The following EEF1AKMT4 variants were observed in gnomAD, a reference collection of about 807,000 sequenced individuals.
EEF1AKMT4 encodes the protein eukaryotic translation elongation factor 1 alpha lysine specific methyltransferase 4.
In EEF1AKMT4, 17 loss-of-function variants were observed where a neutral mutation model predicts 23.0. The observed-to-expected ratio is 0.74, with a 90% CI of 0.51 to 1.11. EEF1AKMT4 has a LOEUF of 1.11. EEF1AKMT4 is among the 50% of genes least tolerant of loss of function. EEF1AKMT4 has a pLI of 0.00. For synonymous variants in EEF1AKMT4, 140 were observed against 141.4 expected, an observed-to-expected ratio of 0.99 and a Z score of 0.07; for missense variants, 318 against 333.4, an observed-to-expected ratio of 0.95 and a Z score of 0.36.
chr3:184,253,782 G>T (rs1043355335), intron 1 of EEF1AKMT4, among the ~76,000 whole-genome samples: 14 of 150,856 alleles, frequency 9.3e-5, no homozygotes, highest in African/African-American at 3.4e-4. Context: ...CGATTCTCCT[G>T]CCTCAGCCTT....
chr3:184,258,345 C>G lies in EEF1AKMT4; in HGVS notation c.538C>G (p.His180Asp), dbSNP rs751156240. 2.5e-6 allele frequency: 4 copies of G among 1,613,754 alleles called. No homozygotes were observed. The African/African-American group carries it at 5.3e-5, about 22-fold the overall frequency. Reference sequence around the variant, plus strand: ...TATCTCAATGACTTCTGCTGCCCCCCACTTTCGGACCAGACACTATGCCCA... The same window carrying G: ...TATCTCAATGACTTCTGCTGCCCCCGACTTTCGGACCAGACACTATGCCCA... ...RFISMTSAAP[H>D]FRTRHYAQAY... The change falls in exon 3 of 3, where the codon CAC (histidine) becomes GAC (aspartate). Residue 180 changes from histidine to aspartate, a missense_variant. By Grantham distance (81) the His-to-Asp change is moderately conservative. Coordinates refer to ENST00000324557, the MANE Select transcript of EEF1AKMT4 (RefSeq NM_032331.4).
chr3:184,253,429 G>A lies in EEF1AKMT4; in HGVS notation c.196+3539G>A, dbSNP rs930149543. Among the ~76,000 whole-genome samples, 56 of 152,200 alleles carry A rather than the reference G, an allele frequency of 3.7e-4. 2 individuals are homozygous for A. The highest frequency in any genetic ancestry group is 1.5e-5 in the Non-Finnish European group (1 of 68,044). Reference sequence around the variant, plus strand: ...TTAAAACTGGTAAAATGACTACATTGTGAATTATAGCCTAATGGTCATATG... The same window carrying A: ...TTAAAACTGGTAAAATGACTACATTATGAATTATAGCCTAATGGTCATATG... On this transcript the variant is annotated intron_variant, in intron 1 of 2. Transcript: ENST00000324557.
chr3:184,257,673 C>G lies in EEF1AKMT4; in HGVS notation c.397C>G (p.Leu133Val), dbSNP rs745336641. 1 of 1,614,080 alleles carries G rather than the reference C, an allele frequency of 6.2e-7. No individual in the cohort carries two copies. Among genetic ancestry groups the G allele is most frequent in the Non-Finnish European group, 8.5e-7 (1 of 1,180,048 alleles). Residue 133 changes from leucine to valine, a missense_variant, in exon 2 of 3, where the codon CTG (leucine) becomes GTG (valine). By Grantham distance (32) the Leu-to-Val change is conservative. Coordinates refer to ENST00000324557, the MANE Select transcript of EEF1AKMT4 (RefSeq NM_032331.4). Reference sequence around the variant, plus strand: ...TGATGTGGTGCTCGAGAAGGGCACGCTGGATGCCCTGCTGGCTGGGGAACG... The same window carrying G: ...TGATGTGGTGCTCGAGAAGGGCACGGTGGATGCCCTGCTGGCTGGGGAACG... ...SFDVVLEKGT[L>V]DALLAGERDP...
rs1719903992 is a variant in EEF1AKMT4 at position 184,258,296 on chromosome 3, CG to C, written c.490del (p.Val164CysfsTer11). Reference protein sequence around the residue: ...VDQVLSEVSRVLVPGGRFISM... With the variant: ...VDQVLSEVSRXLVPGGRFISM... ...CTCTGTCTGCCTTGCAGGTGAGCCG[CG>C]TGCTTGTCCCTGGAGGCCGGTTTAT... On this transcript the variant is annotated frameshift_variant, in exon 3 of 3. Transcript: ENST00000324557. LOFTEE classifies it high-confidence loss of function. The C allele has an allele frequency of 1.9e-6, 3 of 1,610,496 alleles. No individual in the cohort carries two copies. The highest frequency in any genetic ancestry group is 2.5e-6 in the Non-Finnish European group (3 of 1,177,896).
At chr3:184,255,280 C>T (rs547394273) in intron 1 of EEF1AKMT4, among the ~76,000 whole-genome samples, 2 of 152,186 alleles carry the variant, frequency 1.3e-5, no homozygotes, top group Non-Finnish European at 2.9e-5. Flanking sequence ...CTGTATCTAT[C>T]ATGGCTTTTT....
chr3:184,251,100 A>AG (rs1192146302), intron 1 of EEF1AKMT4, among the ~76,000 whole-genome samples: 4 of 131,014 alleles, frequency 3.1e-5, no homozygotes, highest in South Asian at 2.3e-4. Flanking sequence ...AAAAAAAAAA[A>AG]AAAAGAAAAG....
chr3:184,249,958 G>A (rs1719450466), intron 1 of EEF1AKMT4, 68 bp downstream of exon 1: 1 of 1,522,048 alleles, frequency 6.6e-7, no homozygotes, highest in Non-Finnish European at 8.9e-7. Flanking sequence ...GCTTGGCCTG[G>A]TCCGCTTTCC....
At chr3:184,254,628 G>A (rs1472944608) in intron 1 of EEF1AKMT4, among the ~76,000 whole-genome samples, 1 of 151,452 alleles carries the variant, frequency 6.6e-6, no homozygotes, top group Admixed American at 6.6e-5. Context: ...CAGGAGAATG[G>A]CGTGAACCTG....
At chr3:184,250,409 C>T (rs1719479837) in intron 1 of EEF1AKMT4, among the ~76,000 whole-genome samples, 1 of 152,180 alleles carries the variant, frequency 6.6e-6, no homozygotes, top group Non-Finnish European at 1.5e-5. Flanking sequence ...AAACTTGGTC[C>T]TATGCCTTAG....
chr3:184,251,104 AG>A (rs1577113038), intron 1 of EEF1AKMT4, among the ~76,000 whole-genome samples: 1 of 131,670 alleles, frequency 7.6e-6, no homozygotes, highest in Non-Finnish European at 1.6e-5. Flanking sequence ...AAAAAAAAAA[AG>A]AAAAGAACTT....
At chr3:184,255,344 C>A (rs1577116706) in intron 1 of EEF1AKMT4, among the ~76,000 whole-genome samples, 1 of 152,146 alleles carries the variant, frequency 6.6e-6, no homozygotes, top group Admixed American at 6.6e-5. Context: ...AGATAGTTTT[C>A]CTTGAGCCCC....
At chr3:184,256,248 G>C (rs1369036436) in intron 1 of EEF1AKMT4, among the ~76,000 whole-genome samples, 1 of 131,806 alleles carries the variant, frequency 7.6e-6, no homozygotes, top group Non-Finnish European at 1.6e-5. Flanking sequence ...CTCCAGCCTG[G>C]GCAACAAGAG....
At chr3:184,250,524 T>G (rs530604233) in intron 1 of EEF1AKMT4, among the ~76,000 whole-genome samples, 1 of 152,322 alleles carries the variant, frequency 6.6e-6, no homozygotes, top group South Asian at 2.1e-4. Context: ...CTCTGGGGTG[T>G]TCGGCTGACC....
rs760184482 is a variant in EEF1AKMT4, at chr3:184,258,481, G to A, written c.674G>A (p.Gly225Glu). ...GKLSVAQLALGAQILSPPRPP... is the reference protein window; with the variant it reads ...GKLSVAQLALEAQILSPPRPP... Reference sequence around the variant, plus strand: ...CTCAGTGTGGCCCAGCTGGCTCTGGGGGCCCAAATCCTCTCACCCCCCAGA... The same window carrying A: ...CTCAGTGTGGCCCAGCTGGCTCTGGAGGCCCAAATCCTCTCACCCCCCAGA... The change falls in exon 3 of 3, where the codon GGG becomes GAG. Residue 225 changes from glycine to glutamate, a missense_variant. Physicochemically the swap from Gly to Glu is moderately conservative, Grantham distance 98 (BLOSUM62 -2). Transcript: ENST00000324557. The A allele has an allele frequency of 6.2e-7, 1 of 1,613,648 alleles. No homozygotes were observed. The highest frequency in any genetic ancestry group is 1.3e-5 in the African/African-American group (1 of 74,838).
In EEF1AKMT4 at chr3:184,249,867, C is replaced by T; in HGVS notation, c.173C>T (p.Pro58Leu). 6.2e-7 allele frequency: 1 copy of T among 1,612,534 alleles called. No homozygotes were observed. The highest frequency in any genetic ancestry group is 1.1e-5 in the South Asian group (1 of 91,082). The part of the protein sequence containing the change: ...FRALLEPELR[P>L]EDRILVLGCG... The stretch of plus-strand genomic sequence containing the variant: ...GCCCTCCTAGAGCCGGAGCTGCGGC[C>T]CGAGGACCGTATCCTTGTGCTAGGT... The change falls in exon 1 of 3, where the codon CCC becomes CTC. Residue 58 changes from proline to leucine, a missense_variant. Physicochemically the swap from Pro to Leu is moderately conservative, Grantham distance 98 (BLOSUM62 -3). Coordinates refer to ENST00000324557, the MANE Select transcript of EEF1AKMT4 (RefSeq NM_032331.4).
chr3:184,249,877 T>C lies in EEF1AKMT4; in HGVS notation c.183T>C (p.Arg61=), dbSNP rs1337673503. The C allele has an allele frequency of 6.2e-7, 1 of 1,611,120 alleles. No homozygotes were observed. Among genetic ancestry groups the C allele is most frequent in the African/African-American group, 1.3e-5 (1 of 75,022 alleles). ...LLEPELRPED[R]ILVLGCGNSA... The stretch of plus-strand genomic sequence containing the variant: ...AGCCGGAGCTGCGGCCCGAGGACCG[T>C]ATCCTTGTGCTAGGTGGGTAATCCC... Residue 61 remains arginine, a synonymous_variant, in exon 1 of 3, where the codon CGT becomes CGC. Coordinates refer to ENST00000324557, the MANE Select transcript of EEF1AKMT4 (RefSeq NM_032331.4).
chr3:184,250,778 G>C (rs1004093575), intron 1 of EEF1AKMT4, among the ~76,000 whole-genome samples: 1 of 152,188 alleles, frequency 6.6e-6, no homozygotes, highest in Non-Finnish European at 1.5e-5. Flanking sequence ...AGAAAAAAAA[G>C]TATAATTTAG....
rs1042892003 is a variant in EEF1AKMT4, at chr3:184,257,380, G to A, written c.197-93G>A. 4 of 1,345,048 alleles carry A rather than the reference G, an allele frequency of 3.0e-6. No individual in the cohort carries two copies. The Admixed American group carries it at 6.3e-5, about 21-fold the overall frequency. 83.3% of individuals were successfully genotyped at this position (1,345,048 alleles called of 1,614,324 possible). On this transcript the variant is annotated intron_variant, in intron 1 of 2. Coordinates refer to ENST00000324557, the MANE Select transcript of EEF1AKMT4 (RefSeq NM_032331.4). ...CTCAGTACTAGAGGGTTTGGATTGA[G>A]AGAAAACGGGGCCAAGAGTGGATGG... is the stretch of plus-strand genomic sequence containing the variant.
intron 1 of EEF1AKMT4, among the ~76,000 whole-genome samples, chr3:184,256,921 C>G (rs764548206): frequency 6.6e-6 from 1 of 152,138 alleles, no homozygotes; most frequent in African/African-American, 2.4e-5. Context: ...CCGCCCTCCT[C>G]GGCCTCCCAA....
Sources: allele counts gnomAD v4.1 joint callset (sites outside exome capture counted in the v4.1 genomes callset), GRCh38; gene constraint gnomAD v4.1.1; transcripts MANE v1.5; gene names NCBI Gene and HGNC (gene_info 2026-07-23, HGNC 2026-07-21).